Variants in ATRNL1 observed in about 807,000 individuals in gnomAD.
ATRNL1 encodes the protein attractin-like protein 1.
ATRNL1 carries 95 observed loss-of-function variants against 182.7 expected under a neutral mutation model. The observed-to-expected ratio is 0.52, with a 90% CI of 0.44 to 0.62. The LOEUF is 0.62. ATRNL1 is among the 20% of genes least tolerant of loss of function. The pLI, the probability that ATRNL1 is intolerant of heterozygous loss-of-function variation, is 0.00. For synonymous variants in ATRNL1, 576 were observed against 568.3 expected (o/e 1.01, Z -0.19); for missense variants, 1,471 against 1,679.5 (o/e 0.88, Z 2.17).
At chr10:115,735,912 A>G (rs1259128142) in intron 27 of ATRNL1, among the ~76,000 whole-genome samples, 12 of 152,286 alleles carry the variant, frequency 7.9e-5, no homozygotes, top group Admixed American at 3.9e-4. Flanking sequence ...TGTACTAAAA[A>G]CTTTCCTTCA....
At chr10:115,772,371 G>A (rs1949013922) in intron 27 of ATRNL1, among the ~76,000 whole-genome samples, 2 of 152,106 alleles carry the variant, frequency 1.3e-5, no homozygotes, top group South Asian at 2.1e-4. Flanking sequence ...TTACGAAAAC[G>A]TGAACTTTAT....
chr10:115,334,155 C>A, intron 18 of ATRNL1, 127 bp from the exon 19 acceptor site: 2 of 538,656 alleles, frequency 3.7e-6, no homozygotes, highest in Non-Finnish European at 6.0e-6. Context: ...AATTTTTAAA[C>A]AAAACTTGGA....
At position 115,334,403 on chromosome 10, in the gene ATRNL1, T is replaced by C; in HGVS notation, c.3159T>C (p.Asn1053=). 6.3e-7 allele frequency: 1 copy of C among 1,595,056 alleles called. No individual in the cohort carries two copies. The highest frequency in any genetic ancestry group is 8.6e-7 in the Non-Finnish European group (1 of 1,168,222). The change falls in exon 19 of 29, where the codon AAT becomes AAC. Residue 1053 remains asparagine (N), a synonymous_variant. Transcript: ENST00000355044. ...CAGGTTATTATGGAGATCCAACCAA[T>C]GGTGGACAGTGCACAGGTAAGTTTC... is the stretch of plus-strand genomic sequence containing the variant. The part of the protein sequence containing the change: ...CMPGYYGDPT[N]GGQCTACTCS...
chr10:115,266,796 G>A lies in ATRNL1; in HGVS notation c.1773-1G>A. ...TAAGATTCTTGTTTTGTTTTTAATA[G>A]GTCCATGTATATATTTGGGGGATTT... On this transcript the variant is annotated splice_acceptor_variant, in intron 11 of 28. Coordinates refer to ENST00000355044, the MANE Select transcript of ATRNL1 (RefSeq NM_207303.4). LOFTEE classifies it high-confidence loss of function. 6.4e-7 allele frequency: 1 copy of A among 1,559,648 alleles called. No individual in the cohort carries two copies. The highest frequency in any genetic ancestry group is 8.7e-7 in the Non-Finnish European group (1 of 1,145,426).
At chr10:115,153,662 G>A (rs1846357277) in intron 5 of ATRNL1, among the ~76,000 whole-genome samples, 2 of 151,856 alleles carry the variant, frequency 1.3e-5, no homozygotes, top group African/African-American at 2.4e-5. Context: ...CAAAAATCCA[G>A]CTCCTGCTCC....
At chr10:115,344,957 C>T (rs554395142) in intron 19 of ATRNL1, among the ~76,000 whole-genome samples, 72 of 152,190 alleles carry the variant, frequency 4.7e-4, no homozygotes, top group Non-Finnish European at 7.9e-4. Context: ...AGGAGGGCCT[C>T]ATCATTCTGA....
At chr10:115,478,427 C>A (rs1848625197) in intron 24 of ATRNL1, among the ~76,000 whole-genome samples, 1 of 151,732 alleles carries the variant, frequency 6.6e-6, no homozygotes. Context: ...AGGGGCTCTT[C>A]TTAGCCTCTA....
intron 26 of ATRNL1, among the ~76,000 whole-genome samples, chr10:115,634,049 TAA>T (rs1289687588): frequency 6.6e-6 from 1 of 152,022 alleles, no homozygotes; most frequent in African/African-American, 2.4e-5. Context: ...CTCTTAAGAA[TAA>T]AAAATAAGTG....
chr10:115,603,890 T>G (rs1555016757), intron 26 of ATRNL1, among the ~76,000 whole-genome samples: 3 of 152,176 alleles, frequency 2.0e-5, no homozygotes, highest in Non-Finnish European at 2.9e-5. Context: ...TTATTTTGCC[T>G]GCAGTTTTCA....
intron 3 of ATRNL1, among the ~76,000 whole-genome samples, chr10:115,126,603 T>C (rs1345675915): frequency 6.6e-6 from 1 of 152,208 alleles, no homozygotes; most frequent in Admixed American, 6.5e-5. Flanking sequence ...AATCAAGAGT[T>C]GATTACTTTT....
chr10:115,368,120 C>G (rs1228144745), intron 19 of ATRNL1, among the ~76,000 whole-genome samples: 2 of 152,240 alleles, frequency 1.3e-5, no homozygotes, highest in Non-Finnish European at 2.9e-5. Flanking sequence ...GCCCCTCCCC[C>G]AGGCTCGCTG....
intron 19 of ATRNL1, among the ~76,000 whole-genome samples, chr10:115,351,713 GT>G (rs1856258963): frequency 8.0e-6 from 1 of 125,258 alleles, no homozygotes; most frequent in Non-Finnish European, 1.9e-5. Context: ...TTGTTCATGA[GT>G]GATATTGGCC....
intron 3 of ATRNL1, 48 bp from the exon 4 acceptor site, chr10:115,127,545 G>T (rs1204059584): frequency 1.3e-6 from 2 of 1,489,668 alleles, no homozygotes; most frequent in Admixed American, 3.9e-5. Context: ...GTGCTTAACA[G>T]TCTTATGTAT....
chr10:115,239,797 C>T (rs1225473046), intron 9 of ATRNL1, among the ~76,000 whole-genome samples: 1 of 152,114 alleles, frequency 6.6e-6, no homozygotes, highest in Non-Finnish European at 1.5e-5. Context: ...TGTATAGCTA[C>T]CACCCTATGA....
chr10:115,491,419 C>CT (rs34792755), intron 24 of ATRNL1, among the ~76,000 whole-genome samples: 62,846 of 149,360 alleles, frequency 0.42, 13,798 homozygotes, highest in Middle Eastern at 0.52. Flanking sequence ...GGGCTGCTGC[C>CT]TTTTTTTTTT....
chr10:115,761,164 G>C (rs190865360), intron 27 of ATRNL1, among the ~76,000 whole-genome samples: 1 of 152,170 alleles, frequency 6.6e-6, no homozygotes, highest in East Asian at 1.9e-4. Context: ...ATAGCAAAAG[G>C]CTAGTTTTAT....
chr10:115,885,537 A>C (rs1951923567), intron 28 of ATRNL1, among the ~76,000 whole-genome samples: 1 of 152,242 alleles, frequency 6.6e-6, no homozygotes, highest in African/African-American at 2.4e-5. Context: ...TAATGTTTTC[A>C]TCTGATCACA....
intron 25 of ATRNL1, among the ~76,000 whole-genome samples, chr10:115,533,106 A>T (rs1554988922): frequency 6.6e-6 from 1 of 152,232 alleles, no homozygotes; most frequent in African/African-American, 2.4e-5. Flanking sequence ...TATCAGGATG[A>T]TGCTGGCCTC....
chr10:115,542,620 T>G (rs574550772), intron 25 of ATRNL1, among the ~76,000 whole-genome samples: 9 of 152,240 alleles, frequency 5.9e-5, no homozygotes, highest in African/African-American at 1.7e-4. Context: ...CATAAGAAAA[T>G]GTAGCTAGGA....
Sources: gnomAD v4.1 joint callset for allele counts (sites outside exome capture counted in the v4.1 genomes callset) on GRCh38, gnomAD v4.1.1 for gene constraint, MANE v1.5 for transcripts, NCBI Gene and HGNC (gene_info 2026-07-23, HGNC 2026-07-21) for gene names.